The following AMMECR1 variants were observed in gnomAD, a reference collection of about 807,000 sequenced individuals.
The protein encoded by AMMECR1 is nuclear protein AMMECR1.
A neutral mutation model predicts 22.5 loss-of-function variants in AMMECR1; 3 were observed. The ratio of observed to expected loss-of-function variants is 0.13; its 90% CI spans 0.06 to 0.35. The LOEUF (loss-of-function observed/expected upper bound fraction) is 0.35, where lower values mean the gene tolerates loss of function less well. Among genes scored for constraint, AMMECR1 ranks in the 10% least tolerant of loss-of-function variants. AMMECR1 has a pLI of 1.00. For missense variants in AMMECR1, 235 were observed against 278.7 expected (o/e 0.84, Z 1.12); for synonymous variants, 130 against 116.7 (o/e 1.11, Z -0.74).
At position 110,245,792 on chromosome X, in the gene AMMECR1, A is replaced by G. The variant is rs990335049; in HGVS notation, c.584+18697T>C. ...CTCACCTGAAACTTTGGTCCTCCCA[A>G]AGTTTTCAGCCATCACAGAAAGATC... On this transcript the variant is annotated intron_variant, in intron 2 of 5. Transcript: ENST00000262844. Among the ~76,000 whole-genome samples, 18 of 110,774 alleles carry G rather than the reference A, an allele frequency of 1.6e-4. No individual in the cohort carries two copies. In the Admixed American group the frequency reaches 1.7e-3, roughly 11 times the overall value.
intron 1 of AMMECR1, among the ~76,000 whole-genome samples, chrX:110,285,306 C>T (rs2067873472): frequency 8.9e-6 from 1 of 112,286 alleles, no homozygotes; most frequent in African/African-American, 3.2e-5. Context: ...ATTTTACACA[C>T]TTAATTCTCA....
chrX:110,342,156 G>T (rs771738027), intron 2 of AMMECR1, among the ~76,000 whole-genome samples: 10 of 111,267 alleles, frequency 9.0e-5, no homozygotes, highest in Non-Finnish European at 1.5e-4. Flanking sequence ...TTGTTCTATT[G>T]TTATTAATCT....
intron 2 of AMMECR1, among the ~76,000 whole-genome samples, chrX:110,250,208 T>G (rs186045678): frequency 1.2e-3 from 132 of 112,314 alleles, no homozygotes; most frequent in African/African-American, 4.2e-3. Context: ...AAGCATCAAG[T>G]CACATATAAT....
chrX:110,277,527 C>T (rs2067832278), intron 1 of AMMECR1, among the ~76,000 whole-genome samples: 1 of 111,015 alleles, frequency 9.0e-6, no homozygotes, highest in African/African-American at 3.3e-5. Context: ...TGTAACAAAC[C>T]TGCACGTTGT....
At chrX:110,367,973 AATTATTATT>A (rs201193443) in intron 2 of AMMECR1, among the ~76,000 whole-genome samples, 3,430 of 85,288 alleles carry the variant, frequency 0.04, 71 homozygotes, top group African/African-American at 0.085. Flanking sequence ...AGTGCTGGCT[AATTATTATT>A]ATTATTATTA....
chrX:110,380,883 G>A (rs2068414060), intron 2 of AMMECR1, among the ~76,000 whole-genome samples: 1 of 112,319 alleles, frequency 8.9e-6, no homozygotes, highest in Non-Finnish European at 1.9e-5. Flanking sequence ...TGGGATAACT[G>A]GCATATGCAG....
intron 1 of AMMECR1, among the ~76,000 whole-genome samples, chrX:110,287,808 A>G (rs1440894347): frequency 8.9e-6 from 1 of 112,070 alleles, no homozygotes; most frequent in African/African-American, 3.2e-5. Flanking sequence ...TGGTTTAGAC[A>G]GTGTACAAGG....
upstream of AMMECR1, among the ~76,000 whole-genome samples, chrX:110,321,728 A>G (rs2068079596): frequency 9.0e-6 from 1 of 111,478 alleles, no homozygotes; most frequent in Non-Finnish European, 1.9e-5. Context: ...AAGGAGGAAC[A>G]TTCACATATT....
At chrX:110,381,380 T>C (rs1485636791) in intron 2 of AMMECR1, among the ~76,000 whole-genome samples, 1 of 111,809 alleles carries the variant, frequency 8.9e-6, no homozygotes, top group Non-Finnish European at 1.9e-5. Context: ...TGAGATACCA[T>C]CTCACACCAG....
chrX:110,405,097 C>CG (rs1463304651), intron 2 of AMMECR1, among the ~76,000 whole-genome samples: 8 of 101,211 alleles, frequency 7.9e-5, no homozygotes, highest in South Asian at 5.2e-4. Context: ...GTCCCCCCCC[C>CG]CCCCAAGCAT....
chrX:110,416,185 C>T (rs1225719827), intron 2 of AMMECR1, among the ~76,000 whole-genome samples: 1 of 111,382 alleles, frequency 9.0e-6, no homozygotes, highest in Non-Finnish European at 1.9e-5. Flanking sequence ...GATGGTCAAA[C>T]TGAGTTTCAT....
intron 2 of AMMECR1, among the ~76,000 whole-genome samples, chrX:110,221,038 T>C (rs918005401): frequency 5.3e-5 from 6 of 112,700 alleles, no homozygotes; most frequent in African/African-American, 1.6e-4. Context: ...TCTAAAATAT[T>C]GTTGACCTTA....
chrX:110,293,680 C>A lies in AMMECR1; in HGVS notation c.473+23919G>T, dbSNP rs191933457. 9.8e-5 allele frequency among the ~76,000 whole-genome samples: 11 copies of A among 111,964 alleles called. No homozygotes were observed. In the East Asian group the frequency reaches 3.1e-3, roughly 31 times the overall value. On this transcript the variant is annotated intron_variant, in intron 1 of 5. Coordinates refer to ENST00000262844, the MANE Select transcript of AMMECR1 (RefSeq NM_015365.3). ...AAATTAACTCATTAGCCTAAGTCAT[C>A]CTCAGGTCAACAGCTGTCTATCCCT...
chrX:110,408,784 A>G (rs929949197), intron 2 of AMMECR1, among the ~76,000 whole-genome samples: 1 of 112,548 alleles, frequency 8.9e-6, no homozygotes, highest in South Asian at 3.7e-4. Flanking sequence ...ACTTCATTTA[A>G]TCATTCAATG....
Position 110,210,334 on chromosome X carries a change from G to A in AMMECR1, c.699+6184C>T, listed in dbSNP as rs191234816. On this transcript the variant is annotated intron_variant, in intron 3 of 5. Coordinates refer to ENST00000262844, the MANE Select transcript of AMMECR1 (RefSeq NM_015365.3). ...GTGACATCTTATAAAAAAACTCAAC[G>A]TCCCTGGGAAAATATGTACTGTGAA... Among the ~76,000 whole-genome samples, 25 of 110,455 alleles carry A rather than the reference G, an allele frequency of 2.3e-4. No individual in the cohort carries two copies. The East Asian group carries it at 5.7e-3, about 25-fold the overall frequency.
chrX:110,325,117 C>A (rs995371453), intron 2 of AMMECR1, among the ~76,000 whole-genome samples: 6 of 111,178 alleles, frequency 5.4e-5, no homozygotes, highest in African/African-American at 2.0e-4. Context: ...GCTATCTGGT[C>A]CTGGGCTTTT....
intron 2 of AMMECR1, among the ~76,000 whole-genome samples, chrX:110,388,958 T>A (rs753249846): frequency 1.8e-5 from 2 of 112,505 alleles, no homozygotes; most frequent in South Asian, 7.4e-4. Flanking sequence ...TCATATCTTT[T>A]TAAGCAGTGT....
At position 110,255,194 on chromosome X, in the gene AMMECR1, C is replaced by T. The variant is rs776771695; in HGVS notation, c.584+9295G>A. On this transcript the variant is annotated intron_variant, in intron 2 of 5. Transcript: ENST00000262844. ...TGTTTTGGGTACTTTTAATGTAGCA[C>T]GTTTCATATGCTGAAATGATGCTAA... 2.7e-5 allele frequency among the ~76,000 whole-genome samples: 3 copies of T among 112,207 alleles called. No individual in the cohort carries two copies. The South Asian group carries it at 1.1e-3, about 42-fold the overall frequency.
At chrX:110,331,664 TC>T (rs776392019) in intron 2 of AMMECR1, among the ~76,000 whole-genome samples, 2 of 111,607 alleles carry the variant, frequency 1.8e-5, no homozygotes, top group Admixed American at 1.9e-4. Context: ...AAAACATTGT[TC>T]TGATCTTATC....
Sources: gnomAD v4.1 joint callset for allele counts (sites outside exome capture counted in the v4.1 genomes callset) on GRCh38, gnomAD v4.1.1 for gene constraint, MANE v1.5 for transcripts, NCBI Gene and HGNC (gene_info 2026-07-23, HGNC 2026-07-21) for gene names.